CELF2: variants seen among roughly 807,000 people sequenced by gnomAD.
CELF2 encodes the protein CUG triplet repeat RNA-binding protein 2.
CELF2 carries 8 observed loss-of-function variants against 62.6 expected under a neutral mutation model. The ratio of observed to expected loss-of-function variants is 0.13; its 90% CI spans 0.07 to 0.23. The LOEUF (loss-of-function observed/expected upper bound fraction) is 0.23, where lower values mean the gene tolerates loss of function less well. Among genes scored for constraint, CELF2 ranks in the 10% least tolerant of loss-of-function variants. The pLI is 1.00. For synonymous variants in CELF2, 258 were observed against 250.0 expected (o/e 1.03, Z -0.30); for missense variants, 333 against 671.0 (o/e 0.50, Z 5.56).
At chr10:10,622,526 G>A in the CELF2 span, among the ~76,000 whole-genome samples, 3 of 152,006 alleles carry the variant, frequency 2.0e-5, no homozygotes, top group East Asian at 1.9e-4. Context: ...GCTGTGGTGT[G>A]CACCCACAGT....
chr10:10,539,621 T>C, the CELF2 span, among the ~76,000 whole-genome samples: 1 of 152,202 alleles, frequency 6.6e-6, no homozygotes, highest in African/African-American at 2.4e-5. Flanking sequence ...CAGAAAACTC[T>C]AAAACTCCAA....
At chr10:10,507,505 G>A in the CELF2 span, among the ~76,000 whole-genome samples, 1 of 152,160 alleles carries the variant, frequency 6.6e-6, no homozygotes, top group African/African-American at 2.4e-5. Context: ...ATTGGGGCTG[G>A]GAGTTGGAAG....
At chr10:11,221,231 T>G (rs1379377554) in intron 3 of CELF2, among the ~76,000 whole-genome samples, 1 of 152,222 alleles carries the variant, frequency 6.6e-6, no homozygotes, top group East Asian at 1.9e-4. Flanking sequence ...GATATGTCAA[T>G]TTGGGGTTAA....
chr10:10,613,850 A>T, the CELF2 span, among the ~76,000 whole-genome samples: 1 of 152,320 alleles, frequency 6.6e-6, no homozygotes, highest in Middle Eastern at 3.4e-3. Context: ...TCTTTGGAGT[A>T]CCATAACCTC....
chr10:11,136,387 G>A (rs181109831), intron 1 of CELF2, among the ~76,000 whole-genome samples: 54 of 152,268 alleles, frequency 3.5e-4, no homozygotes, highest in Admixed American at 3.2e-3. Context: ...TGGATCACCT[G>A]AGGTCAGGAG....
At chr10:11,090,178 G>A (rs1282646638) in intron 1 of CELF2, among the ~76,000 whole-genome samples, 1 of 148,042 alleles carries the variant, frequency 6.8e-6, no homozygotes, top group Non-Finnish European at 1.5e-5. Flanking sequence ...AATCTAAAAT[G>A]AAATTTGGGG....
At chr10:10,961,690 G>A (rs2049521119) in intron 2 of CELF2, among the ~76,000 whole-genome samples, 2 of 151,658 alleles carry the variant, frequency 1.3e-5, no homozygotes, top group South Asian at 2.1e-4. Flanking sequence ...GGCAGAGATT[G>A]CAGTGAGCCA....
rs567398251 is a variant in CELF2 at position 11,005,634 on chromosome 10, C to T, written c.53+194C>T. Among the ~76,000 whole-genome samples the T allele has an allele frequency of 3.9e-5, 6 of 152,152 alleles. No individual in the cohort carries two copies. In the South Asian group the frequency reaches 1.0e-3, roughly 26 times the overall value. ...AAAGAGAGAGCCAGCGAGAGAAAGG[C>T]GGAGGACTGCCGTGAATTCTATTTG... is the stretch of plus-strand genomic sequence containing the variant. On this transcript the variant is annotated intron_variant, in intron 1 of 12. Coordinates refer to the CELF2 transcript ENST00000416382. The surrounding 1 kb of genome is among the most constrained non-coding windows in gnomAD (Gnocchi z 4.3).
At chr10:10,624,431 C>A in the CELF2 span, among the ~76,000 whole-genome samples, 337 of 152,316 alleles carry the variant, frequency 2.2e-3, 2 homozygotes, top group African/African-American at 7.8e-3. Flanking sequence ...TGGTCTGCAT[C>A]TACACAAGTC....
chr10:10,870,754 T>G (rs1006660498), intron 1 of CELF2, among the ~76,000 whole-genome samples: 14 of 152,334 alleles, frequency 9.2e-5, no homozygotes, highest in Middle Eastern at 3.4e-3. Context: ...CCCAGCCTTC[T>G]GCGGTCAGGC....
intron 1 of CELF2, among the ~76,000 whole-genome samples, chr10:10,842,987 T>C (rs1463134499): frequency 3.3e-5 from 5 of 152,070 alleles, no homozygotes; most frequent in African/African-American, 9.6e-5. Flanking sequence ...TATAGGGCTA[T>C]TCAGATTGTC....
At position 11,334,556 on chromosome 10, in the gene CELF2, A is replaced by G. The variant is rs946416517; in HGVS notation, c.*5503A>G. 1 of 152,504 alleles carries G rather than the reference A, an allele frequency of 6.6e-6. No homozygotes were observed. Among genetic ancestry groups the G allele is most frequent in the African/African-American group, 2.4e-5 (1 of 41,452 alleles). The allele number at this position is 152,504 out of a possible 1,614,324, so 9.4% of individuals were successfully genotyped here. A position where few individuals can be genotyped will look rare whatever the true frequency, so the allele number is the denominator to read the frequency against. On this transcript the variant is annotated 3_prime_UTR_variant, in exon 13 of 13. Coordinates refer to ENST00000633077, the MANE Select transcript of CELF2 (RefSeq NM_001326342.2). The stretch of plus-strand genomic sequence containing the variant: ...ACCTTTGATTTATGTACAACCGCCC[A>G]CTTGAACTCCTGCTTCCAAGATTTA...
At chr10:11,082,644 A>T (rs1340109238) in intron 1 of CELF2, among the ~76,000 whole-genome samples, 2 of 152,230 alleles carry the variant, frequency 1.3e-5, no homozygotes, top group African/African-American at 4.8e-5. Context: ...AGTTCTAAAA[A>T]TGCTATGATT....
intron 4 of CELF2, among the ~76,000 whole-genome samples, chr10:11,253,451 T>C (rs968534472): frequency 2.0e-5 from 3 of 152,202 alleles, no homozygotes; most frequent in Non-Finnish European, 4.4e-5. Flanking sequence ...GGTGGCTCCA[T>C]CCAGTCACTT....
the CELF2 span, among the ~76,000 whole-genome samples, chr10:10,546,492 C>T: frequency 3.3e-4 from 51 of 152,276 alleles, 1 homozygote; most frequent in South Asian, 0.011. Context: ...AAACTTGTGT[C>T]TTTAACATGT....
intron 2 of CELF2, among the ~76,000 whole-genome samples, chr10:11,181,343 G>A (rs1247875628): frequency 1.3e-5 from 2 of 152,126 alleles, no homozygotes; most frequent in African/African-American, 4.8e-5. Context: ...TACTCCTCTC[G>A]ACTGTCAGTT....
intron 8 of CELF2, among the ~76,000 whole-genome samples, chr10:11,283,059 C>T (rs1330785283): frequency 6.6e-6 from 1 of 152,212 alleles, no homozygotes; most frequent in East Asian, 1.9e-4. Context: ...CACGCTACCA[C>T]ACCTGGCTTA....
the CELF2 span, among the ~76,000 whole-genome samples, chr10:10,756,460 C>T: frequency 6.6e-6 from 1 of 152,106 alleles, no homozygotes; most frequent in African/African-American, 2.4e-5. Context: ...TTTTTATTTT[C>T]ACTTTTTCTA....
At position 11,191,807 on chromosome 10, in the gene CELF2, C is replaced by T. The variant is rs1008996091; in HGVS notation, c.272-25618C>T. 3.3e-5 allele frequency among the ~76,000 whole-genome samples: 5 copies of T among 152,114 alleles called. No homozygotes were observed. Among genetic ancestry groups the T allele is most frequent in the Non-Finnish European group, 4.4e-5 (3 of 68,010 alleles). On this transcript the variant is annotated intron_variant, in intron 2 of 12. Coordinates refer to ENST00000633077, the MANE Select transcript of CELF2 (RefSeq NM_001326342.2). This position sits in a 1 kb window ranked among gnomAD's most constrained non-coding sequence, Gnocchi z 4.1. ...GATCCAAAATCTGAGTGTGGAGAAA[C>T]GGATCCCCAGTGAAGGAGGAGGGAG... is the stretch of plus-strand genomic sequence containing the variant.
Sources: gnomAD v4.1 joint callset for allele counts (sites outside exome capture counted in the v4.1 genomes callset) on GRCh38, gnomAD v4.1.1 for gene constraint, Gnocchi (gnomAD v3.1) non-coding constraint, MANE v1.5 for transcripts, NCBI Gene and HGNC (gene_info 2026-07-23, HGNC 2026-07-21) for gene names.